Variants in NAGPA observed in about 807,000 individuals in gnomAD.
NAGPA encodes alpha-N-acetylglucosaminyl phosphodiesterase.
In NAGPA, 56 loss-of-function variants were observed where a neutral mutation model predicts 48.5. The ratio of observed to expected loss-of-function variants is 1.15; its 90% CI spans 0.93 to 1.44. The LOEUF is 1.44. NAGPA is among the 40% of genes most tolerant of loss of function. NAGPA has a pLI of 0.00. For missense variants in NAGPA, 888 were observed against 735.0 expected, an observed-to-expected ratio of 1.21 and a Z score of -2.41; for synonymous variants, 399 against 315.5, an observed-to-expected ratio of 1.26 and a Z score of -2.81.
In NAGPA at chr16:5,028,908, T is replaced by A; in HGVS notation, c.892A>T (p.Thr298Ser). The A allele has an allele frequency of 1.2e-5, 19 of 1,614,026 alleles. No homozygotes were observed. Among genetic ancestry groups the A allele is most frequent in the Non-Finnish European group, 1.6e-5 (19 of 1,180,024 alleles). The change falls in exon 5 of 10, where the codon ACC becomes TCC. Residue 298 changes from threonine to serine, a missense_variant. By Grantham distance (58) the Thr-to-Ser change is moderately conservative (BLOSUM62 1). Coordinates refer to ENST00000312251, the MANE Select transcript of NAGPA (RefSeq NM_016256.4). ...TGATCTGACGGGTAACTGGCCAAGG[T>A]CCCGTTGAGCACAAAGGTGGCAGAG... Reference protein sequence around the residue: ...GGSATFVLNGTLASYPSDHCQ... With the variant: ...GGSATFVLNGSLASYPSDHCQ...
In NAGPA at chr16:5,025,577, A is replaced by G. The variant is rs1955983935; in HGVS notation, c.1449T>C (p.His483=). ...LSRAERNRRL[H]GDYAYHPLQE... ...GCAGCGGGTGGTATGCATAGTCCCC[A>G]TGCAGGCGCCGGTTCCTCTCTGCTC... is the stretch of plus-strand genomic sequence containing the variant. The change falls in exon 10 of 10, where the codon CAT becomes CAC. Residue 483 remains histidine, a synonymous_variant. Coordinates refer to ENST00000312251, the MANE Select transcript of NAGPA (RefSeq NM_016256.4). 2 of 1,613,722 alleles carry G rather than the reference A, an allele frequency of 1.2e-6. No homozygotes were observed. The highest frequency in any genetic ancestry group is 8.5e-7 in the Non-Finnish European group (1 of 1,180,034).
chr16:5,027,327 C>T lies in NAGPA; in HGVS notation c.1227G>A (p.Glu409=), dbSNP rs570260569. The part of the protein sequence containing the change: ...GPGCQRPCKC[E]HHCPCDPKTG... ...TCTTGGGGTCACAGGGACAATGGTGCTCACACTTACAAGGCCTCTGGCAGC... is the reference window on the plus strand; with the variant it reads ...TCTTGGGGTCACAGGGACAATGGTGTTCACACTTACAAGGCCTCTGGCAGC... The change falls in exon 8 of 10, where the codon GAG becomes GAA. Residue 409 remains glutamate (E), a synonymous_variant. Coordinates refer to ENST00000312251, the MANE Select transcript of NAGPA (RefSeq NM_016256.4). 13 of 1,614,206 alleles carry T rather than the reference C, an allele frequency of 8.1e-6. No individual in the cohort carries two copies. The South Asian group carries it at 9.9e-5, about 12-fold the overall frequency.
intron 3 of NAGPA, 108 bp downstream of exon 3, chr16:5,031,637 G>A: frequency 6.8e-7 from 1 of 1,471,176 alleles, no homozygotes; most frequent in South Asian, 1.1e-5. Context: ...AATAGTGCTG[G>A]GCACAAAGTA....
In NAGPA at chr16:5,028,602, G is replaced by C. The variant is rs1343060612; in HGVS notation, c.920+278C>G. Reference sequence around the variant, plus strand: ...CCCAGCCCTGGGCCTTTCACATGTGGTGCCCTCTGCCCGGAAGGCTCTCCC... The same window carrying C: ...CCCAGCCCTGGGCCTTTCACATGTGCTGCCCTCTGCCCGGAAGGCTCTCCC... On this transcript the variant is annotated intron_variant, in intron 5 of 9. Coordinates refer to ENST00000312251, the MANE Select transcript of NAGPA (RefSeq NM_016256.4). 1.2e-5 allele frequency: 7 copies of C among 561,340 alleles called. No individual in the cohort carries two copies. In the East Asian group the frequency reaches 1.3e-4, roughly 11 times the overall value. The allele number at this position is 561,340 out of a possible 1,614,324, so 34.8% of individuals were successfully genotyped here. A position where few individuals can be genotyped will look rare whatever the true frequency, so the allele number is the denominator to read the frequency against.
chr16:5,028,781 G>A (rs1346945913), intron 5 of NAGPA, 99 bp downstream of exon 5: 53 of 1,580,312 alleles, frequency 3.4e-5, no homozygotes, highest in South Asian at 1.1e-4. Context: ...TTGAACCCCC[G>A]GGGCCTGGCA....
At position 5,024,992 on chromosome 16, in the gene NAGPA, G is replaced by A. The variant is rs61141128; in HGVS notation, c.*486C>T. 2.7e-3 allele frequency: 448 copies of A among 166,836 alleles called. 1 individual carries two copies. The highest frequency in any genetic ancestry group is 9.7e-3 in the African/African-American group (409 of 42,056). 10.3% of individuals were successfully genotyped at this position (166,836 alleles called of 1,614,324 possible). The stretch of plus-strand genomic sequence containing the variant: ...TTCTTCCAAGGAGCTTCCTATGACA[G>A]GAAATCGAATTCTAGTTGGCAAATC... On this transcript the variant is annotated 3_prime_UTR_variant, in exon 10 of 10. Transcript: ENST00000312251.
chr16:5,025,368 G>A lies in NAGPA; in HGVS notation c.*110C>T, dbSNP rs1955976793. The A allele has an allele frequency of 2.2e-6, 3 of 1,349,642 alleles. No homozygotes were observed. Among genetic ancestry groups the A allele is most frequent in the South Asian group, 1.3e-5 (1 of 77,748 alleles). 83.6% of individuals were successfully genotyped at this position (1,349,642 alleles called of 1,614,324 possible). A position where few individuals can be genotyped will look rare whatever the true frequency, so the allele number is the denominator to read the frequency against. On this transcript the variant is annotated 3_prime_UTR_variant, in exon 10 of 10. Coordinates refer to ENST00000312251, the MANE Select transcript of NAGPA (RefSeq NM_016256.4). ...TCAGGAACTTGGCTGCCCCACAGGG[G>A]CTGAGGACACCCAGATGGTCCACGC... is the stretch of plus-strand genomic sequence containing the variant.
In NAGPA at chr16:5,027,312, A is replaced by G. The variant is rs1427950334; in HGVS notation, c.1242T>C (p.Cys414=). 6.2e-7 allele frequency: 1 copy of G among 1,614,090 alleles called. No homozygotes were observed. The highest frequency in any genetic ancestry group is 1.3e-5 in the African/African-American group (1 of 74,928). The part of the protein sequence containing the change: ...RPCKCEHHCP[C]DPKTGNCSVS... The stretch of plus-strand genomic sequence containing the variant: ...CGCTGCAGTTGCCAGTCTTGGGGTC[A>G]CAGGGACAATGGTGCTCACACTTAC... Residue 414 remains cysteine (C), a synonymous_variant, in exon 8 of 10, where the codon TGT becomes TGC. Coordinates refer to ENST00000312251, the MANE Select transcript of NAGPA (RefSeq NM_016256.4).
chr16:5,033,389 G>T lies in NAGPA; in HGVS notation c.426C>A (p.Arg142=). 1 of 1,596,948 alleles carries T rather than the reference G, an allele frequency of 6.3e-7. No individual in the cohort carries two copies. The highest frequency in any genetic ancestry group is 8.5e-7 in the Non-Finnish European group (1 of 1,179,284). The change falls in exon 2 of 10, where the codon CGC becomes CGA. Residue 142 remains arginine, a synonymous_variant. Coordinates refer to ENST00000312251, the MANE Select transcript of NAGPA (RefSeq NM_016256.4). This position sits in a 1 kb window ranked among gnomAD's most constrained non-coding sequence, Gnocchi z 4.2. ...CRVAQNGGFF[R]MNSGECLGNV... is the part of the protein sequence containing the mutation. ...TCCCCAGGCACTCGCCCGAGTTCAT[G>T]CGGAAGAAGCCGCCGTTCTGGGCGA...
chr16:5,028,750 A>C, intron 5 of NAGPA, 130 bp downstream of exon 5: 1 of 1,425,336 alleles, frequency 7.0e-7, no homozygotes, highest in Non-Finnish European at 9.8e-7. Flanking sequence ...TGGGGGAGGG[A>C]CTGCAGCAAT....
chr16:5,032,382 G>A (rs968542836), intron 2 of NAGPA, among the ~76,000 whole-genome samples: 95 of 152,200 alleles, frequency 6.2e-4, no homozygotes, highest in African/African-American at 2.0e-3. Context: ...TTGCCAGGGC[G>A]TGGTGGCTCA....
chr16:5,026,069 C>G (rs1007837871), intron 9 of NAGPA, among the ~76,000 whole-genome samples: 3 of 151,872 alleles, frequency 2.0e-5, no homozygotes, highest in African/African-American at 7.2e-5. Flanking sequence ...GCTGGGACTA[C>G]AGGCTCGAAT....
intron 4 of NAGPA, chr16:5,029,276 G>A (rs1956060908): frequency 4.0e-6 from 2 of 501,532 alleles, no homozygotes; most frequent in African/African-American, 1.9e-5. Context: ...TCACAGGAGT[G>A]TTCAACACAG....
In NAGPA at chr16:5,025,616, GGACAGGTTTGCT is replaced by G; in HGVS notation, c.1398_1409del (p.Ala467_Ser470del). 1 of 1,613,980 alleles carries G rather than the reference GGACAGGTTTGCT, an allele frequency of 6.2e-7. No homozygotes were observed. Among genetic ancestry groups the G allele is most frequent in the Non-Finnish European group, 8.5e-7 (1 of 1,180,016 alleles). On this transcript the variant is annotated inframe_deletion, in exon 10 of 10. Coordinates refer to ENST00000312251, the MANE Select transcript of NAGPA (RefSeq NM_016256.4). The stretch of plus-strand genomic sequence containing the variant: ...TCCTCTCTGCTCTGGACAGGAGCAA[GGACAGGTTTGCT>G]GCAGTGCTGATCAGCAGGAGGAAGG...
intron 3 of NAGPA, 114 bp downstream of exon 3, chr16:5,031,631 G>T: frequency 7.0e-7 from 1 of 1,420,360 alleles, no homozygotes; most frequent in South Asian, 1.2e-5. Context: ...ACCCAGAATA[G>T]TGCTGGGCAC....
Position 5,033,683 on chromosome 16 carries a change from G to C in NAGPA, c.132C>G (p.Arg44=), listed in dbSNP as rs558548670. 23 of 1,594,698 alleles carry C rather than the reference G, an allele frequency of 1.4e-5. No individual in the cohort carries two copies. The South Asian group carries it at 2.1e-4, about 15-fold the overall frequency. The change falls in exon 2 of 10, where the codon CGC becomes CGG. Residue 44 remains arginine (R), a synonymous_variant. Transcript: ENST00000312251. This position sits in a 1 kb window ranked among gnomAD's most constrained non-coding sequence, Gnocchi z 4.2. ...GTGTGCAGTCCCGGGGGAGGCGCGC[G>C]CGCGCGCGTGGATAGGGCAGTAGCA... ...DDLLLPYPRA[R]ARLPRDCTRV... is the part of the protein sequence containing the mutation.
chr16:5,025,544 C>G lies in NAGPA; in HGVS notation c.1482G>C (p.Met494Ile). 3 of 1,613,440 alleles carry G rather than the reference C, an allele frequency of 1.9e-6. No homozygotes were observed. The highest frequency in any genetic ancestry group is 2.5e-6 in the Non-Finnish European group (3 of 1,180,014). The change falls in exon 10 of 10, where the codon ATG becomes ATC. Residue 494 changes from methionine (M) to isoleucine (I), a missense_variant. Physicochemically the swap from Met to Ile is conservative, Grantham distance 10 (BLOSUM62 1). Transcript: ENST00000312251. ...GDYAYHPLQEMNGEPLAAEKE... is the reference protein window; with the variant it reads ...GDYAYHPLQEINGEPLAAEKE... ...TCTCTGCGGCCAGAGGCTCCCCGTT[C>G]ATCTCCTGCAGCGGGTGGTATGCAT... is the stretch of plus-strand genomic sequence containing the variant.
chr16:5,033,384 T>A lies in NAGPA; in HGVS notation c.431A>T (p.Asn144Ile). 1.3e-6 allele frequency: 2 copies of A among 1,596,792 alleles called. No homozygotes were observed. The highest frequency in any genetic ancestry group is 1.7e-6 in the Non-Finnish European group (2 of 1,179,288). Residue 144 changes from asparagine to isoleucine, a missense_variant, in exon 2 of 10, where the codon AAC (asparagine) becomes ATC (isoleucine). Coordinates refer to ENST00000312251, the MANE Select transcript of NAGPA (RefSeq NM_016256.4). This position sits in a 1 kb window ranked among gnomAD's most constrained non-coding sequence, Gnocchi z 4.2. ...VAQNGGFFRMNSGECLGNVVS... is the reference protein window; with the variant it reads ...VAQNGGFFRMISGECLGNVVS... ...CACGTTCCCCAGGCACTCGCCCGAG[T>A]TCATGCGGAAGAAGCCGCCGTTCTG...
chr16:5,027,261 C>A lies in NAGPA; in HGVS notation c.1276+17G>T. On this transcript the variant is annotated intron_variant, in intron 8 of 9. Transcript: ENST00000312251. ...AGGAGCGTCTGCCCATACCCCTCCCCTTGGAGGGATAGGTACCTCTGGAGA... is the reference window on the plus strand; with the variant it reads ...AGGAGCGTCTGCCCATACCCCTCCCATTGGAGGGATAGGTACCTCTGGAGA... 1.9e-6 allele frequency: 3 copies of A among 1,613,712 alleles called. No individual in the cohort carries two copies. The highest frequency in any genetic ancestry group is 2.5e-6 in the Non-Finnish European group (3 of 1,179,566).
Sources: gnomAD v4.1 joint callset for allele counts (sites outside exome capture counted in the v4.1 genomes callset) on GRCh38, gnomAD v4.1.1 for gene constraint, Gnocchi (gnomAD v3.1) non-coding constraint, MANE v1.5 for transcripts, NCBI Gene and HGNC (gene_info 2026-07-23, HGNC 2026-07-21) for gene names.